FAM135A: variants seen among roughly 807,000 people sequenced by gnomAD.
The protein encoded by FAM135A is family with sequence similarity 135 member A, also known as protein FAM135A.
Under a neutral mutation model 146.8 loss-of-function variants are expected in FAM135A, and 79 were observed. The observed-to-expected ratio is 0.54, with a 90% CI of 0.45 to 0.65. FAM135A has a LOEUF of 0.65. Among genes scored for constraint, FAM135A ranks in the 30% least tolerant of loss-of-function variants. The probability of loss-of-function intolerance (pLI) is 0.00; values close to 1 mark genes in which losing one functional copy is unlikely to be tolerated. For synonymous variants in FAM135A, 562 were observed against 603.6 expected, an observed-to-expected ratio of 0.93 and a Z score of 1.01; for missense variants, 1,623 against 1,758.2, an observed-to-expected ratio of 0.92 and a Z score of 1.38.
At chr6:70,492,656 T>TA (rs368818336) in intron 11 of FAM135A, among the ~76,000 whole-genome samples, 37,066 of 128,072 alleles carry the variant, frequency 0.29, 5,646 homozygotes, top group African/African-American at 0.45. Flanking sequence ...AACACCCTTG[T>TA]AAAAAAAAAA....
intron 20 of FAM135A, among the ~76,000 whole-genome samples, chr6:70,556,255 T>A (rs1230835977): frequency 6.6e-6 from 1 of 151,696 alleles, no homozygotes; most frequent in African/African-American, 2.4e-5. Context: ...TCTCAAAAAA[T>A]AATAATAATA....
At chr6:70,541,176 T>C (rs1363887999) in intron 20 of FAM135A, among the ~76,000 whole-genome samples, 1 of 152,248 alleles carries the variant, frequency 6.6e-6, no homozygotes, top group Non-Finnish European at 1.5e-5. Context: ...TAGATAAAGT[T>C]ATTCCCATTT....
rs71538422 is a variant in FAM135A at position 70,526,766 on chromosome 6, TACACACACAC to T, written c.3614+96_3614+105del. 4.4e-4 allele frequency: 199 copies of T among 452,668 alleles called. 1 individual carries two copies. Among genetic ancestry groups the T allele is most frequent in the African/African-American group, 2.7e-3 (107 of 40,256 alleles). 28.0% of individuals were successfully genotyped at this position (452,668 alleles called of 1,614,324 possible). ...ATATATATATACACACACACACACA[TACACACACAC>T]ACACACACACACACACACACACACA... is the stretch of plus-strand genomic sequence containing the variant. On this transcript the variant is annotated intron_variant, in intron 15 of 21. Coordinates refer to ENST00000418814, the MANE Select transcript of FAM135A (RefSeq NM_001162529.3).
chr6:70,507,093 G>C (rs929287833), intron 12 of FAM135A, among the ~76,000 whole-genome samples: 4 of 152,028 alleles, frequency 2.6e-5, no homozygotes, highest in African/African-American at 7.2e-5. Context: ...ATTTTACCTA[G>C]CGCTTCCCTT....
chr6:70,496,680 A>G (rs917872857), intron 11 of FAM135A, among the ~76,000 whole-genome samples: 4 of 152,036 alleles, frequency 2.6e-5, no homozygotes, highest in Non-Finnish European at 4.4e-5. Context: ...TTAATTTTGT[A>G]TAAGGTGTAA....
At chr6:70,493,382 T>G (rs1197813377) in intron 11 of FAM135A, among the ~76,000 whole-genome samples, 1 of 152,164 alleles carries the variant, frequency 6.6e-6, no homozygotes, top group Non-Finnish European at 1.5e-5. Flanking sequence ...GGAATTTTCT[T>G]TACATGCGTC....
At chr6:70,497,741 T>C (rs1423619432) in intron 11 of FAM135A, among the ~76,000 whole-genome samples, 1 of 152,224 alleles carries the variant, frequency 6.6e-6, no homozygotes, top group African/African-American at 2.4e-5. Context: ...CTTTTCTGCA[T>C]CTATTGAGAT....
At chr6:70,470,381 G>A (rs528018014) in intron 5 of FAM135A, among the ~76,000 whole-genome samples, 2 of 151,952 alleles carry the variant, frequency 1.3e-5, no homozygotes, top group East Asian at 1.9e-4. Flanking sequence ...TGGAGATGGA[G>A]TTTCACCCTG....
chr6:70,477,463 T>G, intron 8 of FAM135A, 131 bp downstream of exon 8: 1 of 921,302 alleles, frequency 1.1e-6, no homozygotes, highest in Non-Finnish European at 1.5e-6. Context: ...GGAAGCATGA[T>G]GCTGGCATCT....
chr6:70,522,058 A>C (rs1056641427), intron 12 of FAM135A, among the ~76,000 whole-genome samples: 9 of 152,058 alleles, frequency 5.9e-5, no homozygotes, highest in African/African-American at 2.2e-4. Context: ...CTGGGATTAC[A>C]AGCACCTGCC....
At chr6:70,494,946 C>A (rs974361895) in intron 11 of FAM135A, among the ~76,000 whole-genome samples, 3 of 152,136 alleles carry the variant, frequency 2.0e-5, no homozygotes, top group Admixed American at 6.5e-5. Context: ...CAAATACTTA[C>A]CCAACTCTTC....
At chr6:70,489,685 A>G (rs1285926970) in intron 10 of FAM135A, among the ~76,000 whole-genome samples, 2 of 152,224 alleles carry the variant, frequency 1.3e-5, no homozygotes, top group Non-Finnish European at 2.9e-5. Context: ...ATGAAAGGGC[A>G]TGAGGAGGTG....
chr6:70,465,059 A>G (rs933492404), intron 5 of FAM135A, among the ~76,000 whole-genome samples: 3 of 151,022 alleles, frequency 2.0e-5, no homozygotes, highest in African/African-American at 7.3e-5. Flanking sequence ...CCCCCTGTCA[A>G]CCCACATTCT....
intron 5 of FAM135A, among the ~76,000 whole-genome samples, chr6:70,453,940 G>T (rs557612546): frequency 6.6e-6 from 1 of 152,228 alleles, no homozygotes; most frequent in African/African-American, 2.4e-5. Context: ...TAATGAGATC[G>T]CTGGGTCAAA....
chr6:70,415,962 T>A (rs1326237911), intron 2 of FAM135A, among the ~76,000 whole-genome samples: 1 of 152,190 alleles, frequency 6.6e-6, no homozygotes, highest in Non-Finnish European at 1.5e-5. Context: ...AATACTTAGT[T>A]TTTATCTCTT....
At chr6:70,495,730 T>A (rs1365396422) in intron 11 of FAM135A, among the ~76,000 whole-genome samples, 3 of 152,174 alleles carry the variant, frequency 2.0e-5, no homozygotes, top group Admixed American at 2.0e-4. Flanking sequence ...GGTGGTTTGC[T>A]GCACCCATCA....
intron 20 of FAM135A, among the ~76,000 whole-genome samples, chr6:70,539,577 A>G (rs1272266538): frequency 1.3e-5 from 2 of 152,194 alleles, no homozygotes; most frequent in South Asian, 2.1e-4. Context: ...TTCCATTTCT[A>G]ATTGCAATCA....
intron 5 of FAM135A, among the ~76,000 whole-genome samples, chr6:70,470,362 C>CT (rs144416484): frequency 0.046 from 7,008 of 151,326 alleles, 353 homozygotes; most frequent in African/African-American, 0.11. Flanking sequence ...ACTATTACTT[C>CT]TTTTTTTTTG....
At chr6:70,448,689 G>T (rs181872794) in intron 4 of FAM135A, among the ~76,000 whole-genome samples, 2 of 152,128 alleles carry the variant, frequency 1.3e-5, no homozygotes, top group South Asian at 2.1e-4. Flanking sequence ...ATTTACCCGC[G>T]TATTTATTAA....
Sources: gnomAD v4.1 joint callset for allele counts (sites outside exome capture counted in the v4.1 genomes callset) on GRCh38, gnomAD v4.1.1 for gene constraint, MANE v1.5 for transcripts, NCBI Gene and HGNC (gene_info 2026-07-23, HGNC 2026-07-21) for gene names.